Variants in KCNH5 observed in about 807,000 individuals in gnomAD.
The protein encoded by KCNH5 is voltage-gated delayed rectifier potassium channel KCNH5.
Under a neutral mutation model 96.1 loss-of-function variants are expected in KCNH5, and 46 were observed. The ratio of observed to expected loss-of-function variants is 0.48; its 90% confidence interval spans 0.38 to 0.61. The LOEUF is 0.61. KCNH5 is among the 20% of genes least tolerant of loss of function. The pLI is 0.00. For synonymous variants in KCNH5, 439 were observed against 449.8 expected, an observed-to-expected ratio of 0.98 and a Z score of 0.30; for missense variants, 907 against 1,225.8, an observed-to-expected ratio of 0.74 and a Z score of 3.88.
chr14:62,936,740 G>A (rs895274026), intron 7 of KCNH5, among the ~76,000 whole-genome samples: 5 of 151,394 alleles, frequency 3.3e-5, no homozygotes, highest in East Asian at 1.9e-4. Context: ...CACTTTGGGC[G>A]GCCAAGGCAG....
intron 6 of KCNH5, among the ~76,000 whole-genome samples, chr14:62,952,308 TAAAG>T (rs147572977): frequency 0.024 from 3,687 of 152,162 alleles, 172 homozygotes; most frequent in African/African-American, 0.084. Context: ...ATTAATGAAA[TAAAG>T]AAGACAAATT....
intron 10 of KCNH5, among the ~76,000 whole-genome samples, chr14:62,726,647 T>A (rs868851133): frequency 6.6e-6 from 1 of 152,152 alleles, no homozygotes; most frequent in African/African-American, 2.4e-5. Flanking sequence ...TCTTGTAATC[T>A]TATGGGGGAA....
At chr14:62,885,165 TA>T (rs1182524413) in intron 7 of KCNH5, among the ~76,000 whole-genome samples, 1 of 152,152 alleles carries the variant, frequency 6.6e-6, no homozygotes, top group African/African-American at 2.4e-5. Context: ...CCAATTTTTT[TA>T]AAAAACATAA....
intron 9 of KCNH5, among the ~76,000 whole-genome samples, chr14:62,781,638 C>T (rs1483643209): frequency 1.3e-5 from 2 of 152,204 alleles, no homozygotes; most frequent in East Asian, 3.9e-4. Context: ...TGATATTTCT[C>T]CCATTTGCTT....
intron 3 of KCNH5, among the ~76,000 whole-genome samples, chr14:63,003,770 G>T (rs1180342930): frequency 6.7e-6 from 1 of 149,784 alleles, no homozygotes; most frequent in Non-Finnish European, 1.5e-5. Flanking sequence ...CAAGGCGCCT[G>T]CCACCACGCC....
chr14:62,927,840 C>T (rs941899946), intron 7 of KCNH5, among the ~76,000 whole-genome samples: 1 of 151,966 alleles, frequency 6.6e-6, no homozygotes, highest in Non-Finnish European at 1.5e-5. Flanking sequence ...TTTAATGCCA[C>T]TGAACTGTAT....
intron 4 of KCNH5, among the ~76,000 whole-genome samples, chr14:62,988,570 A>G (rs1224762225): frequency 1.3e-5 from 2 of 152,052 alleles, no homozygotes; most frequent in African/African-American, 4.8e-5. Context: ...ACTGGCATCA[A>G]TTGATGGAGA....
intron 10 of KCNH5, among the ~76,000 whole-genome samples, chr14:62,765,932 C>G (rs138833773): frequency 0.012 from 1,757 of 151,994 alleles, 31 homozygotes; most frequent in African/African-American, 0.04. Context: ...AAAATATTTG[C>G]AAACTACCCA....
intron 8 of KCNH5, among the ~76,000 whole-genome samples, chr14:62,820,023 T>C (rs573081483): frequency 3.3e-5 from 5 of 152,292 alleles, no homozygotes; most frequent in Non-Finnish European, 7.4e-5. Context: ...GGGACATGTA[T>C]AGGAGGTTGC....
intron 7 of KCNH5, among the ~76,000 whole-genome samples, chr14:62,902,041 T>C (rs1888936001): frequency 6.6e-6 from 1 of 152,188 alleles, no homozygotes; most frequent in African/African-American, 2.4e-5. Flanking sequence ...TATCTGTTCA[T>C]GTCCTTAGCC....
At chr14:62,738,548 A>C (rs1386177367) in intron 10 of KCNH5, among the ~76,000 whole-genome samples, 1 of 152,162 alleles carries the variant, frequency 6.6e-6, no homozygotes, top group Admixed American at 6.6e-5. Context: ...TGATTTCTTT[A>C]ATTTACCTTG....
intron 1 of KCNH5, among the ~76,000 whole-genome samples, chr14:63,034,079 C>T (rs886197526): frequency 6.6e-6 from 1 of 151,968 alleles, no homozygotes; most frequent in Admixed American, 6.6e-5. Context: ...ACCACCAAAC[C>T]CGGCTAATTT....
At chr14:62,738,003 G>A (rs1029207380) in intron 10 of KCNH5, among the ~76,000 whole-genome samples, 4 of 151,998 alleles carry the variant, frequency 2.6e-5, no homozygotes, top group African/African-American at 9.7e-5. Flanking sequence ...GACACAGTAA[G>A]AGATTAAAAA....
chr14:62,878,254 T>G (rs897556968), intron 7 of KCNH5, among the ~76,000 whole-genome samples: 6 of 150,992 alleles, frequency 4.0e-5, no homozygotes, highest in African/African-American at 1.5e-4. Context: ...GCTAAATGAC[T>G]AGTTAATGGG....
At chr14:62,879,110 A>G (rs1240006513) in intron 7 of KCNH5, among the ~76,000 whole-genome samples, 1 of 152,124 alleles carries the variant, frequency 6.6e-6, no homozygotes, top group African/African-American at 2.4e-5. Flanking sequence ...AACAAAAACA[A>G]TTATCAAAAT....
chr14:62,720,850 A>G (rs1040575905), intron 10 of KCNH5, among the ~76,000 whole-genome samples: 1 of 152,202 alleles, frequency 6.6e-6, no homozygotes, highest in African/African-American at 2.4e-5. Flanking sequence ...AAGACAAGTT[A>G]TCCACACCAT....
At chr14:62,923,715 G>A (rs999605343) in intron 7 of KCNH5, among the ~76,000 whole-genome samples, 7 of 151,838 alleles carry the variant, frequency 4.6e-5, no homozygotes, top group African/African-American at 1.7e-4. Flanking sequence ...GTACACAATG[G>A]GGAAAGAACA....
intron 7 of KCNH5, among the ~76,000 whole-genome samples, chr14:62,851,737 A>G (rs1369708460): frequency 3.3e-5 from 5 of 152,128 alleles, no homozygotes; most frequent in Admixed American, 3.3e-4. Flanking sequence ...AGTAGTGCTC[A>G]GCTATCATAA....
At chr14:62,990,521 A>G (rs2139578795) in intron 4 of KCNH5, among the ~76,000 whole-genome samples, 1 of 152,200 alleles carries the variant, frequency 6.6e-6, no homozygotes, top group East Asian at 1.9e-4. Context: ...ATTTTTCTCC[A>G]TGAATAAAAA....
Sources: gnomAD v4.1 joint callset for allele counts (sites outside exome capture counted in the v4.1 genomes callset) on GRCh38, gnomAD v4.1.1 for gene constraint, MANE v1.5 for transcripts, NCBI Gene and HGNC (gene_info 2026-07-23, HGNC 2026-07-21) for gene names.